Variants in RNF6 observed in about 807,000 individuals in gnomAD.
RNF6 encodes the protein ring finger protein 6.
RNF6 carries 21 observed loss-of-function variants against 50.1 expected under a neutral mutation model. That is an observed-to-expected ratio of 0.42 (90% CI 0.30 to 0.60). The LOEUF (loss-of-function observed/expected upper bound fraction) is 0.60, where lower values mean the gene tolerates loss of function less well. Ranked by LOEUF, RNF6 falls within the 20% of genes least tolerant of loss-of-function variation. The pLI is 0.20. For missense variants in RNF6, 698 were observed against 838.2 expected (o/e 0.83, Z 2.07); for synonymous variants, 255 against 291.8 (o/e 0.87, Z 1.29).
At chr13:26,219,773 C>G (rs1870286389) in intron 2 of RNF6, 106 bp from the exon 3 acceptor site, 2 of 977,424 alleles carry the variant, frequency 2.0e-6, no homozygotes. Context: ...TTGTCCCCTA[C>G]CCAAATACTG....
At chr13:26,159,752 G>T (rs569497349) in intron 5 of RNF6, among the ~76,000 whole-genome samples, 1 of 152,182 alleles carries the variant, frequency 6.6e-6, no homozygotes, top group African/African-American at 2.4e-5. Flanking sequence ...ATTAAAAACA[G>T]AAATAACAAA....
In RNF6 at chr13:26,215,457, G is replaced by A. The variant is rs754502073; in HGVS notation, c.425C>T (p.Pro142Leu). 1.2e-6 allele frequency: 2 copies of A among 1,613,932 alleles called. No individual in the cohort carries two copies. Among genetic ancestry groups the A allele is most frequent in the Non-Finnish European group, 1.7e-6 (2 of 1,180,038 alleles). Residue 142 changes from proline to leucine, a missense_variant, in exon 5 of 5, where the codon CCG becomes CTG. Pro to Leu is a moderately conservative substitution (Grantham distance 98, BLOSUM62 -3). Coordinates refer to ENST00000381588, the MANE Select transcript of RNF6 (RefSeq NM_005977.4). The part of the protein sequence containing the change: ...QTWRAVSRTN[P>L]NNGEFRFSLE... ...ACTAAACCGAAACTCTCCATTGTTCGGGTTTGTTCGACTCACAGCTCTCCA... is the reference window on the plus strand; with the variant it reads ...ACTAAACCGAAACTCTCCATTGTTCAGGTTTGTTCGACTCACAGCTCTCCA...
intron 5 of RNF6, among the ~76,000 whole-genome samples, chr13:26,168,102 A>G (rs1872533795): frequency 6.6e-6 from 1 of 152,202 alleles, no homozygotes; most frequent in African/African-American, 2.4e-5. Flanking sequence ...TATGTACTAC[A>G]CTTAGTACTT....
rs753466384 is a variant in RNF6 at position 26,215,146 on chromosome 13, G to A, written c.736C>T (p.Pro246Ser). ...RNGIGGAAGI[P>S]RANASRTNFS... ...TTAGTGCGTGAAGCGTTAGCTCGAGGAATGCCAGCTGCTCCCCCAATTCCA... is the reference window on the plus strand; with the variant it reads ...TTAGTGCGTGAAGCGTTAGCTCGAGAAATGCCAGCTGCTCCCCCAATTCCA... The change falls in exon 5 of 5, where the codon CCT (proline) becomes TCT (serine). Residue 246 changes from proline to serine, a missense_variant. Coordinates refer to ENST00000381588, the MANE Select transcript of RNF6 (RefSeq NM_005977.4). The A allele has an allele frequency of 1.2e-6, 2 of 1,614,186 alleles. No individual in the cohort carries two copies. The highest frequency in any genetic ancestry group is 8.5e-7 in the Non-Finnish European group (1 of 1,180,032).
intron 5 of RNF6, among the ~76,000 whole-genome samples, chr13:26,139,218 C>G (rs947785326): frequency 6.6e-6 from 1 of 152,234 alleles, no homozygotes; most frequent in East Asian, 1.9e-4. Flanking sequence ...TTTCCCTACC[C>G]TAAATCATCC....
In RNF6 at chr13:26,213,837, G is replaced by T; in HGVS notation, c.2045C>A (p.Ala682Glu). Residue 682 changes from alanine (A) to glutamate (E), a missense_variant, in exon 5 of 5, where the codon GCA becomes GAA. Transcript: ENST00000381588. ...GATCCCATCACCTTACCCATTGTTT[G>T]CTATGTTAGACCCTAAAACAGGCTG... is the stretch of plus-strand genomic sequence containing the variant. ...CRQPVLGSNI[A>E]NNG is the part of the protein sequence containing the mutation. 6.2e-7 allele frequency: 1 copy of T among 1,605,122 alleles called. No homozygotes were observed.
intron 5 of RNF6, among the ~76,000 whole-genome samples, chr13:26,192,842 T>C (rs1486720568): frequency 1.3e-5 from 2 of 152,236 alleles, no homozygotes; most frequent in African/African-American, 4.8e-5. Flanking sequence ...TTTTCAGCCT[T>C]GTGAGAGACC....
At chr13:26,219,268 T>C (rs1870221113) in intron 3 of RNF6, 189 bp downstream of exon 3, 1 of 518,176 alleles carries the variant, frequency 1.9e-6, no homozygotes, top group Non-Finnish European at 3.3e-6. Context: ...TCCCCTATTT[T>C]CACCTTATAA....
intron 5 of RNF6, among the ~76,000 whole-genome samples, chr13:26,132,829 A>T (rs1243398468): frequency 6.6e-6 from 1 of 152,252 alleles, no homozygotes; most frequent in Non-Finnish European, 1.5e-5. Context: ...CAGTGGTTCC[A>T]AACTTTTTGC....
At chr13:26,186,774 C>CT (rs66536727) in intron 5 of RNF6, among the ~76,000 whole-genome samples, 5 of 74,096 alleles carry the variant, frequency 6.7e-5, no homozygotes, top group East Asian at 2.7e-4. Flanking sequence ...CTTTCTTCTT[C>CT]TTTTTTTTTT....
intron 5 of RNF6, among the ~76,000 whole-genome samples, chr13:26,198,689 A>G (rs140451922): frequency 4.6e-5 from 7 of 152,146 alleles, no homozygotes; most frequent in Admixed American, 2.0e-4. Flanking sequence ...ATTGAAAAGG[A>G]AAAAGCAAAA....
intron 5 of RNF6, among the ~76,000 whole-genome samples, chr13:26,195,059 T>C (rs749993098): frequency 6.6e-5 from 10 of 152,160 alleles, no homozygotes; most frequent in Non-Finnish European, 1.5e-4. Flanking sequence ...CAAAAAACAG[T>C]ATTTGAAGAC....
At chr13:26,204,512 A>AAAAG (rs1379816040) in intron 5 of RNF6, among the ~76,000 whole-genome samples, 29 of 148,810 alleles carry the variant, frequency 1.9e-4, no homozygotes, top group African/African-American at 5.1e-4. Flanking sequence ...AAAAAAAAAA[A>AAAAG]AAAGAAAGAA....
downstream of RNF6, among the ~76,000 whole-genome samples, chr13:26,208,121 G>A (rs888587227): frequency 6.6e-6 from 1 of 152,220 alleles, no homozygotes; most frequent in African/African-American, 2.4e-5. Context: ...AATTTACATG[G>A]TAGGCCTCAG....
chr13:26,144,906 G>T (rs912144654), intron 5 of RNF6: 1 of 152,202 alleles, frequency 6.6e-6, no homozygotes, highest in Admixed American at 6.5e-5. Flanking sequence ...GAGTGCTATT[G>T]TGCATGCCCA....
intron 5 of RNF6, among the ~76,000 whole-genome samples, chr13:26,178,538 A>G (rs1873075191): frequency 6.7e-6 from 1 of 149,934 alleles, no homozygotes; most frequent in African/African-American, 2.5e-5. Flanking sequence ...ACCCAAAAAC[A>G]TTCAGACCAT....
At chr13:26,186,650 C>T (rs1305490637) in intron 5 of RNF6, among the ~76,000 whole-genome samples, 1 of 152,280 alleles carries the variant, frequency 6.6e-6, no homozygotes, top group Non-Finnish European at 1.5e-5. Flanking sequence ...CTCACAGGGC[C>T]CGCAGCGGCG....
intron 5 of RNF6, among the ~76,000 whole-genome samples, chr13:26,176,536 C>T (rs567659511): frequency 6.6e-6 from 1 of 152,314 alleles, no homozygotes; most frequent in East Asian, 1.9e-4. Context: ...CCCCTAGTAC[C>T]TGTGAATGTG....
At chr13:26,185,734 G>C (rs1052855709) in intron 5 of RNF6, among the ~76,000 whole-genome samples, 1 of 152,116 alleles carries the variant, frequency 6.6e-6, no homozygotes, top group East Asian at 1.9e-4. Flanking sequence ...CAAAACGAGC[G>C]AAACCCTGTC....
Sources: gnomAD v4.1 joint callset for allele counts (sites outside exome capture counted in the v4.1 genomes callset) on GRCh38, gnomAD v4.1.1 for gene constraint, MANE v1.5 for transcripts, NCBI Gene and HGNC (gene_info 2026-07-23, HGNC 2026-07-21) for gene names.